Variants in SCARB1 observed in about 807,000 individuals in gnomAD.
SCARB1 encodes the protein scavenger receptor class B member 1.
SCARB1 carries 30 observed loss-of-function variants against 57.2 expected under a neutral mutation model. That is an observed-to-expected ratio of 0.52 (90% CI 0.39 to 0.71). SCARB1 has a LOEUF of 0.71. Among genes scored for constraint, SCARB1 ranks in the 30% least tolerant of loss-of-function variants. The pLI is 0.00. For missense variants in SCARB1, 543 were observed against 671.2 expected (o/e 0.81, Z 2.11); for synonymous variants, 249 against 268.3 (o/e 0.93, Z 0.70).
chr12:124,795,400 T>C, intron 8 of SCARB1, 132 bp from the exon 9 acceptor site: 8 of 700,740 alleles, frequency 1.1e-5, no homozygotes, highest in Non-Finnish European at 2.1e-5. Flanking sequence ...GCTTGTATCT[T>C]ACCTAAAACA....
Position 124,789,455 on chromosome 12 carries a change from G to A in SCARB1, c.1203-1998C>T, listed in dbSNP as rs957250637. ...CTGGGAAACTGTGACCTGCCACGAC[G>A]AAGGGGACCGTGCAGACATGACTGC... On this transcript the variant is annotated intron_variant, in intron 9 of 12. Coordinates refer to ENST00000261693, the MANE Select transcript of SCARB1 (RefSeq NM_005505.5). This position sits in a 1 kb window ranked among gnomAD's most constrained non-coding sequence, Gnocchi z 4.4. 2.6e-5 allele frequency among the ~76,000 whole-genome samples: 4 copies of A among 152,182 alleles called. No homozygotes were observed. The East Asian group carries it at 5.8e-4, about 22-fold the overall frequency.
chr12:124,863,195 C>T (rs1952971922), intron 1 of SCARB1, among the ~76,000 whole-genome samples: 1 of 145,150 alleles, frequency 6.9e-6, no homozygotes, highest in Non-Finnish European at 1.5e-5. Context: ...GACCCTGCTA[C>T]CGGCTGCTGT....
chr12:124,797,380 C>A (rs1338463129), intron 8 of SCARB1, among the ~76,000 whole-genome samples: 1 of 152,172 alleles, frequency 6.6e-6, no homozygotes, highest in Non-Finnish European at 1.5e-5. Flanking sequence ...ACGGAAGCAG[C>A]TTCCAACACA....
In SCARB1 at chr12:124,810,869, C is replaced by T. The variant is rs887450113; in HGVS notation, c.727-580G>A. Reference sequence around the variant, plus strand: ...ATACAAGCCACAATGAATGTGAACTCCATCTATCGTGAATGGCTACTGCCA... The same window carrying T: ...ATACAAGCCACAATGAATGTGAACTTCATCTATCGTGAATGGCTACTGCCA... On this transcript the variant is annotated intron_variant, in intron 5 of 12. Coordinates refer to ENST00000261693, the MANE Select transcript of SCARB1 (RefSeq NM_005505.5). This position sits in a 1 kb window ranked among gnomAD's most constrained non-coding sequence, Gnocchi z 4.0. Among the ~76,000 whole-genome samples, 1 of 152,206 alleles carries T rather than the reference C, an allele frequency of 6.6e-6. No individual in the cohort carries two copies. The highest frequency in any genetic ancestry group is 1.5e-5 in the Non-Finnish European group (1 of 68,040).
intron 9 of SCARB1, among the ~76,000 whole-genome samples, chr12:124,790,273 G>A (rs905701418): frequency 1.2e-4 from 19 of 152,154 alleles, no homozygotes; most frequent in Non-Finnish European, 2.5e-4. Context: ...AGCTACTCAG[G>A]AGGCTCAGGT....
intron 11 of SCARB1, chr12:124,783,169 TA>T (rs2135527328): frequency 4.0e-6 from 1 of 248,796 alleles, no homozygotes; most frequent in Non-Finnish European, 7.8e-6. Flanking sequence ...ATTGTTCTGT[TA>T]AAATACTTTT....
At chr12:124,781,714 T>C (rs1873513065) in intron 12 of SCARB1, among the ~76,000 whole-genome samples, 1 of 152,154 alleles carries the variant, frequency 6.6e-6, no homozygotes, top group Admixed American at 6.6e-5. Context: ...CAATAAAAAT[T>C]ACTTATTGCT....
Position 124,807,871 on chromosome 12 carries a change from C to T in SCARB1, c.899G>A (p.Arg300His), listed in dbSNP as rs779419845. ...AAACAGGGTTTTGGGAGCCACGAAG[C>T]GATAGGTGGGGATGCCTTCAAACAC... Reference protein sequence around the residue: ...SGVFEGIPTYRFVAPKTLFAN... With the variant: ...SGVFEGIPTYHFVAPKTLFAN... The change falls in exon 7 of 13, where the codon CGC (arginine) becomes CAC (histidine). Residue 300 changes from arginine (R) to histidine (H), a missense_variant. Coordinates refer to ENST00000261693, the MANE Select transcript of SCARB1 (RefSeq NM_005505.5). The surrounding 1 kb of genome is among the most constrained non-coding windows in gnomAD (Gnocchi z 5.3). 23 of 1,614,020 alleles carry T rather than the reference C, an allele frequency of 1.4e-5. No homozygotes were observed. The highest frequency in any genetic ancestry group is 5.3e-5 in the African/African-American group (4 of 74,928).
intron 1 of SCARB1, among the ~76,000 whole-genome samples, chr12:124,819,934 A>G (rs1048101453): frequency 6.6e-6 from 1 of 152,268 alleles, no homozygotes; most frequent in African/African-American, 2.4e-5. Flanking sequence ...AACTGTGTCT[A>G]GTTTGACCTA....
chr12:124,852,965 G>A (rs1004417857), intron 1 of SCARB1, among the ~76,000 whole-genome samples: 2 of 152,156 alleles, frequency 1.3e-5, no homozygotes, highest in Non-Finnish European at 2.9e-5. Context: ...TTTGAACCGG[G>A]GAGGAGGAGG....
chr12:124,863,520 G>A (rs1275296389), intron 1 of SCARB1, 75 bp downstream of exon 1: 3 of 1,510,248 alleles, frequency 2.0e-6, no homozygotes, highest in Non-Finnish European at 1.8e-6. Context: ...CCACCGCAAC[G>A]CGCGGGTCCT....
At chr12:124,787,647 C>T (rs1445599871) in intron 9 of SCARB1, among the ~76,000 whole-genome samples, 190 bp from the exon 10 acceptor site, 2 of 152,156 alleles carry the variant, frequency 1.3e-5, no homozygotes, top group Non-Finnish European at 2.9e-5. Flanking sequence ...GGCTGAAGGT[C>T]TCAGTCTACA....
rs1304339869 is a variant in SCARB1 at position 124,814,416 on chromosome 12, A to G, written c.427-11T>C. ...CATCACCGCCGCACCCTGCAAGGCG[A>G]AGGGACACTAGTGTCAGAGGCTGGA... is the stretch of plus-strand genomic sequence containing the variant. On this transcript the variant is annotated splice_polypyrimidine_tract_variant and intron_variant, in intron 3 of 12. Coordinates refer to ENST00000261693, the MANE Select transcript of SCARB1 (RefSeq NM_005505.5). The surrounding 1 kb of genome is among the most constrained non-coding windows in gnomAD (Gnocchi z 4.7). 6.2e-7 allele frequency: 1 copy of G among 1,612,778 alleles called. No homozygotes were observed. Among genetic ancestry groups the G allele is most frequent in the East Asian group, 2.2e-5 (1 of 44,874 alleles).
chr12:124,857,324 C>T (rs11615630), intron 1 of SCARB1, among the ~76,000 whole-genome samples: 44,319 of 152,182 alleles, frequency 0.29, 7,709 homozygotes, highest in Non-Finnish European at 0.4. Flanking sequence ...GAACAGTATC[C>T]GGCCACAACG....
intron 1 of SCARB1, among the ~76,000 whole-genome samples, chr12:124,859,456 AG>A (rs1952789658): frequency 6.6e-6 from 1 of 152,128 alleles, no homozygotes; most frequent in African/African-American, 2.4e-5. Flanking sequence ...GTGTGAACCC[AG>A]GAGGCAGAGG....
In SCARB1 at chr12:124,817,122, ATGTATGTG is replaced by A. The variant is rs1354206105; in HGVS notation, c.284+420_284+427del. Among the ~76,000 whole-genome samples, 6 of 120,966 alleles carry A rather than the reference ATGTATGTG, an allele frequency of 5.0e-5. No individual in the cohort carries two copies. The highest frequency in any genetic ancestry group is 1.2e-4 in the Non-Finnish European group (6 of 51,850). The allele number at this position is 120,966 out of a possible 152,430, so 79.4% of individuals were successfully genotyped here. On this transcript the variant is annotated intron_variant, in intron 2 of 12. Coordinates refer to ENST00000261693, the MANE Select transcript of SCARB1 (RefSeq NM_005505.5). This position sits in a 1 kb window ranked among gnomAD's most constrained non-coding sequence, Gnocchi z 4.8. Reference sequence around the variant, plus strand: ...TGTATGTGTATGTACGTGTGTATGTATGTATGTGTGTATGTGTATGTGTATGTGTGTGT... The same window carrying A: ...TGTATGTGTATGTACGTGTGTATGTATGTATGTGTATGTGTATGTGTGTGT...
intron 1 of SCARB1, among the ~76,000 whole-genome samples, chr12:124,849,439 C>T (rs1415263425): frequency 6.6e-6 from 1 of 152,212 alleles, no homozygotes; most frequent in Non-Finnish European, 1.5e-5. Context: ...AAAAATGCCT[C>T]ATCCCAGTCC....
intron 1 of SCARB1, among the ~76,000 whole-genome samples, chr12:124,834,431 C>A (rs982887444): frequency 2.0e-5 from 3 of 152,260 alleles, no homozygotes; most frequent in African/African-American, 7.2e-5. Context: ...GAGCCTCCCA[C>A]TCCAGGCATG....
chr12:124,802,474 G>A (rs1248344028), intron 7 of SCARB1, among the ~76,000 whole-genome samples: 1 of 151,980 alleles, frequency 6.6e-6, no homozygotes, highest in Non-Finnish European at 1.5e-5. Context: ...GCTGCCTCTC[G>A]TGCCTCCTCC....
Sources: allele counts gnomAD v4.1 joint callset (sites outside exome capture counted in the v4.1 genomes callset), GRCh38; gene constraint gnomAD v4.1.1; non-coding constraint Gnocchi (gnomAD v3.1); transcripts MANE v1.5; gene names NCBI Gene and HGNC (gene_info 2026-07-23, HGNC 2026-07-21).